The following PCDH15 variants were observed in gnomAD, a reference collection of about 807,000 sequenced individuals.
PCDH15 encodes protocadherin related 15, also known as protocadherin-15.
Under a neutral mutation model 178.5 loss-of-function variants are expected in PCDH15, and 129 were observed. That is an observed-to-expected ratio of 0.72 (90% CI 0.63 to 0.84). The LOEUF (loss-of-function observed/expected upper bound fraction) is 0.84. PCDH15 is among the 40% of genes least tolerant of loss of function. The pLI is 0.00. For synonymous variants in PCDH15, 800 were observed against 732.0 expected (o/e 1.09, Z -1.50); for missense variants, 2,230 against 2,099.9 (o/e 1.06, Z -1.21).
At chr10:55,114,095 C>T (rs1332372469) in intron 2 of PCDH15, among the ~76,000 whole-genome samples, 15 of 152,008 alleles carry the variant, frequency 9.9e-5, no homozygotes, top group Admixed American at 2.6e-4. Flanking sequence ...ACTACAGGCA[C>T]CCGCCACCAC....
chr10:55,185,312 C>T (rs966492403), intron 1 of PCDH15, among the ~76,000 whole-genome samples: 2 of 151,696 alleles, frequency 1.3e-5, no homozygotes, highest in African/African-American at 2.4e-5. Flanking sequence ...ATATTTGAGG[C>T]TTTAATGACC....
At chr10:55,116,858 A>G (rs1837639868) in intron 2 of PCDH15, among the ~76,000 whole-genome samples, 1 of 152,206 alleles carries the variant, frequency 6.6e-6, no homozygotes, top group Admixed American at 6.5e-5. Flanking sequence ...TCATTCCAGA[A>G]GTACTTTCCA....
chr10:54,622,725 TTATATAATTATATATATATTA>T (rs1299922745), intron 2 of PCDH15, among the ~76,000 whole-genome samples: 5 of 97,846 alleles, frequency 5.1e-5, no homozygotes, highest in Non-Finnish European at 9.5e-5. Flanking sequence ...ATAATATATA[TTATATAATTATATATATATTA>T]TATATAATTA....
At chr10:55,268,710 T>A (rs1043084158) in intron 1 of PCDH15, among the ~76,000 whole-genome samples, 10 of 152,162 alleles carry the variant, frequency 6.6e-5, no homozygotes, top group Non-Finnish European at 1.0e-4. Flanking sequence ...TTTGGAATTA[T>A]AAGTCACTAA....
intron 10 of PCDH15, among the ~76,000 whole-genome samples, chr10:54,201,544 A>G (rs115765663): frequency 6.6e-6 from 1 of 152,078 alleles, no homozygotes; most frequent in Non-Finnish European, 1.5e-5. Context: ...TTTAAATTCC[A>G]TGAGCATAAA....
chr10:55,402,719 T>A (rs758473553), intron 2 of PCDH15, among the ~76,000 whole-genome samples: 9 of 152,064 alleles, frequency 5.9e-5, no homozygotes, highest in Non-Finnish European at 1.3e-4. Context: ...TTTCCATTTA[T>A]CTATTCATGG....
At chr10:54,207,901 C>A (rs1471813002) in intron 10 of PCDH15, among the ~76,000 whole-genome samples, 1 of 151,994 alleles carries the variant, frequency 6.6e-6, no homozygotes, top group Non-Finnish European at 1.5e-5. Context: ...AAAGGCTTTT[C>A]TTCATCATTA....
chr10:54,287,643 A>G (rs2059116696), intron 8 of PCDH15, among the ~76,000 whole-genome samples: 1 of 152,102 alleles, frequency 6.6e-6, no homozygotes, highest in South Asian at 2.1e-4. Flanking sequence ...TTATGACAGG[A>G]CTATTTAAAG....
At chr10:54,016,836 C>A (rs1404778226) in intron 20 of PCDH15, among the ~76,000 whole-genome samples, 2 of 152,032 alleles carry the variant, frequency 1.3e-5, no homozygotes, top group Admixed American at 1.3e-4. Context: ...CTGTGACACA[C>A]AATTTACCTG....
chr10:55,064,306 T>TAA, intron 2 of PCDH15, among the ~76,000 whole-genome samples: 1 of 152,246 alleles, frequency 6.6e-6, no homozygotes, highest in South Asian at 2.1e-4. Flanking sequence ...CAAAATAACT[T>TAA]AATTGATTGA....
At chr10:54,405,691 G>A (rs1952564738) in intron 3 of PCDH15, among the ~76,000 whole-genome samples, 2 of 149,170 alleles carry the variant, frequency 1.3e-5, no homozygotes, top group South Asian at 4.2e-4. Flanking sequence ...TAAAATAAAA[G>A]TTAAATTAAA....
chr10:55,590,353 C>A (rs1257945432), intron 2 of PCDH15, among the ~76,000 whole-genome samples: 4 of 150,352 alleles, frequency 2.7e-5, no homozygotes, highest in African/African-American at 9.8e-5. Flanking sequence ...AGGAGATATA[C>A]CTAATGCTAA....
At chr10:55,514,269 T>G (rs1340529896) in intron 2 of PCDH15, among the ~76,000 whole-genome samples, 9 of 152,170 alleles carry the variant, frequency 5.9e-5, no homozygotes, top group Non-Finnish European at 1.3e-4. Flanking sequence ...CGTGCATTTT[T>G]GGAAACAATA....
chr10:54,893,250 A>G (rs1954492700), intron 3 of PCDH15, among the ~76,000 whole-genome samples: 1 of 152,048 alleles, frequency 6.6e-6, no homozygotes, highest in Non-Finnish European at 1.5e-5. Flanking sequence ...AAAAACCAAA[A>G]ATGATAATTA....
At chr10:54,238,405 A>T (rs1251731043) in intron 8 of PCDH15, among the ~76,000 whole-genome samples, 3 of 152,084 alleles carry the variant, frequency 2.0e-5, no homozygotes, top group Non-Finnish European at 4.4e-5. Flanking sequence ...CAATAATTTA[A>T]ACACCATAGA....
Position 54,006,479 on chromosome 10 carries a change from T to C in PCDH15, c.2752-10714A>G, listed in dbSNP as rs139541801. 3.5e-4 allele frequency among the ~76,000 whole-genome samples: 53 copies of C among 152,262 alleles called. 1 individual carries two copies. In the East Asian group the frequency reaches 0.01, roughly 29 times the overall value. On this transcript the variant is annotated intron_variant, in intron 20 of 37. Coordinates refer to ENST00000644397, the MANE Select transcript of PCDH15 (RefSeq NM_001384140.1). ...GACAATACCTCTTACCTCCATACAA[T>C]AGGTATGCTGTAGATGAAATGTCCA...
At chr10:54,085,212 AT>A (rs2136002446) in intron 16 of PCDH15, among the ~76,000 whole-genome samples, 1 of 152,250 alleles carries the variant, frequency 6.6e-6, no homozygotes, top group African/African-American at 2.4e-5. Context: ...GATATGAAAA[AT>A]ATAATTGAGC....
intron 2 of PCDH15, among the ~76,000 whole-genome samples, chr10:55,554,329 G>C (rs568384641): frequency 6.8e-4 from 104 of 152,004 alleles, no homozygotes; most frequent in Non-Finnish European, 1.3e-3. Flanking sequence ...AGTCTAGAAA[G>C]GTTTTTTAAA....
At chr10:54,383,627 T>G (rs12772190) in intron 3 of PCDH15, among the ~76,000 whole-genome samples, 17,406 of 104,552 alleles carry the variant, frequency 0.17, 1,283 homozygotes, top group African/African-American at 0.25. Flanking sequence ...GTATGTGTGT[T>G]TTTGTGTGTG....
Sources: allele counts gnomAD v4.1 joint callset (sites outside exome capture counted in the v4.1 genomes callset), GRCh38; gene constraint gnomAD v4.1.1; transcripts MANE v1.5; gene names NCBI Gene and HGNC (gene_info 2026-07-23, HGNC 2026-07-21).